The following SVOP variants were observed in gnomAD, a reference collection of about 807,000 sequenced individuals.
The protein encoded by SVOP is SV2 related protein.
Under a neutral mutation model 69.1 loss-of-function variants are expected in SVOP, and 17 were observed. The observed-to-expected ratio is 0.25, with a 90% CI of 0.17 to 0.37. The LOEUF is 0.37. Among genes scored for constraint, SVOP ranks in the 10% least tolerant of loss-of-function variants. SVOP has a pLI of 1.00. For synonymous variants in SVOP, 238 were observed against 238.6 expected (o/e 1.00, Z 0.02); for missense variants, 435 against 597.5 (o/e 0.73, Z 2.84).
chr12:108,982,617 C>G (rs957234517), intron 2 of SVOP, among the ~76,000 whole-genome samples: 1 of 149,902 alleles, frequency 6.7e-6, no homozygotes, highest in Admixed American at 6.6e-5. Flanking sequence ...ATCCTTATCA[C>G]CATCTTCATC....
intron 6 of SVOP, 103 bp downstream of exon 6, chr12:108,960,820 C>A (rs546608538): frequency 1.3e-5 from 18 of 1,392,994 alleles, no homozygotes; most frequent in African/African-American, 4.3e-5. Flanking sequence ...GCTATCTCTG[C>A]ACCCCTGCTG....
chr12:108,997,101 C>A (rs188643613), intron 1 of SVOP, among the ~76,000 whole-genome samples: 1 of 151,708 alleles, frequency 6.6e-6, no homozygotes, highest in Admixed American at 6.6e-5. Flanking sequence ...TCAGTGGGTG[C>A]GTGCACCGTG....
At chr12:108,948,119 G>A (rs1462148984) in intron 6 of SVOP, among the ~76,000 whole-genome samples, 1 of 151,958 alleles carries the variant, frequency 6.6e-6, no homozygotes, top group South Asian at 2.1e-4. Context: ...CTGGCATTGG[G>A]GGAGGGGTGG....
intron 1 of SVOP, among the ~76,000 whole-genome samples, chr12:109,016,020 C>T (rs1173105638): frequency 2.0e-5 from 3 of 152,286 alleles, no homozygotes; most frequent in East Asian, 1.9e-4. Flanking sequence ...GGCTTCCAGG[C>T]GCTCCTACTA....
At chr12:108,938,097 A>C (rs2039867288) in intron 9 of SVOP, among the ~76,000 whole-genome samples, 1 of 152,348 alleles carries the variant, frequency 6.6e-6, no homozygotes, top group East Asian at 1.9e-4. Flanking sequence ...TGTCAGACCA[A>C]ACACCTCCTT....
In SVOP at chr12:108,907,917, A is replaced by T. The variant is rs2039658652; in HGVS notation, c.*4618T>A. 1.3e-5 allele frequency: 2 copies of T among 152,276 alleles called. No individual in the cohort carries two copies. 9.4% of individuals were successfully genotyped at this position (152,276 alleles called of 1,614,324 possible). On this transcript the variant is annotated 3_prime_UTR_variant, in exon 16 of 16. Coordinates refer to ENST00000610966, the MANE Select transcript of SVOP (RefSeq NM_018711.5). ...TTATGCACATGTCACTGCAGATTCC[A>T]GGCATACCAGCAATTGTCTGCACCA...
intron 6 of SVOP, among the ~76,000 whole-genome samples, chr12:108,951,561 A>G (rs1321478058): frequency 2.6e-5 from 4 of 152,198 alleles, no homozygotes; most frequent in Admixed American, 2.0e-4. Context: ...GAGAAAGTGT[A>G]ATTAATCTGG....
Position 108,912,618 on chromosome 12 carries a change from G to T in SVOP, c.1564C>A (p.His522Asn), listed in dbSNP as rs1253683114. ...TKGRGLQESSHREWGQEMVGR... is the reference protein window; with the variant it reads ...TKGRGLQESSNREWGQEMVGR... ...ACCATCTCCTGGCCCCACTCCCGGT[G>T]GCTGGACTCCTGCAGTCCTCGGCCT... is the stretch of plus-strand genomic sequence containing the variant. The change falls in exon 16 of 16, where the codon CAC becomes AAC. Residue 522 changes from histidine to asparagine, a missense_variant. By Grantham distance (68) the His-to-Asn change is moderately conservative. Coordinates refer to ENST00000610966, the MANE Select transcript of SVOP (RefSeq NM_018711.5). 6.8e-6 allele frequency: 11 copies of T among 1,613,790 alleles called. No homozygotes were observed. The highest frequency in any genetic ancestry group is 9.3e-6 in the Non-Finnish European group (11 of 1,179,880).
intron 5 of SVOP, 61 bp downstream of exon 5, chr12:108,972,344 G>T: frequency 6.7e-7 from 1 of 1,502,104 alleles, no homozygotes; most frequent in Non-Finnish European, 9.0e-7. Context: ...TTTGCTACTT[G>T]TCCAGACCAT....
intron 1 of SVOP, among the ~76,000 whole-genome samples, chr12:108,988,539 T>C (rs2040179171): frequency 6.6e-6 from 1 of 152,190 alleles, no homozygotes; most frequent in South Asian, 2.1e-4. Flanking sequence ...TCAAATCATA[T>C]GATTCGAGAA....
At chr12:108,934,071 A>G in intron 11 of SVOP, 124 bp downstream of exon 11, 1 of 769,924 alleles carries the variant, frequency 1.3e-6, no homozygotes, top group Non-Finnish European at 2.1e-6. Flanking sequence ...GTGTCTTGGA[A>G]ACCACAGAAG....
At chr12:108,964,790 CTCCT>C (rs1463764001) in intron 5 of SVOP, among the ~76,000 whole-genome samples, 1 of 152,110 alleles carries the variant, frequency 6.6e-6, no homozygotes. Context: ...AGATTGATAG[CTCCT>C]TCCTTCCTTC....
intron 11 of SVOP, among the ~76,000 whole-genome samples, chr12:108,929,866 C>G (rs992671795): frequency 3.3e-5 from 5 of 152,190 alleles, no homozygotes; most frequent in African/African-American, 1.2e-4. Flanking sequence ...AGACCAGTAC[C>G]TGGCGTGTAG....
At chr12:109,018,756 G>C (rs369467700) in intron 1 of SVOP, among the ~76,000 whole-genome samples, 79 of 152,196 alleles carry the variant, frequency 5.2e-4, no homozygotes, top group African/African-American at 1.9e-3. Flanking sequence ...TTTTGAGGGA[G>C]TCCAGTACAG....
rs2039675638 is a variant in SVOP, at chr12:108,910,525, GT to G, written c.*2009del. 1.3e-5 allele frequency: 2 copies of G among 152,230 alleles called. No homozygotes were observed. The allele number at this position is 152,230 out of a possible 1,614,324, so 9.4% of individuals were successfully genotyped here. The stretch of plus-strand genomic sequence containing the variant: ...ATAATTAGAGCTACAGCCACACGTG[GT>G]TCAAGGAAATGTGGTTGTCAGAGAG... On this transcript the variant is annotated 3_prime_UTR_variant, in exon 16 of 16. Coordinates refer to ENST00000610966, the MANE Select transcript of SVOP (RefSeq NM_018711.5).
intron 1 of SVOP, among the ~76,000 whole-genome samples, chr12:109,007,034 G>T (rs946703178): frequency 3.9e-5 from 6 of 152,090 alleles, no homozygotes; most frequent in African/African-American, 1.4e-4. Flanking sequence ...GAGGGCTGAG[G>T]CTTTTGTTAA....
chr12:108,942,610 G>A (rs1566053327), intron 7 of SVOP, among the ~76,000 whole-genome samples: 3 of 152,344 alleles, frequency 2.0e-5, no homozygotes, highest in African/African-American at 7.2e-5. Flanking sequence ...AGTCGTGGCT[G>A]GCTGCATCTG....
chr12:108,915,743 T>C, intron 15 of SVOP, 40 bp downstream of exon 15: 1 of 1,556,796 alleles, frequency 6.4e-7, no homozygotes, highest in Non-Finnish European at 8.7e-7. Context: ...CATGGGGTTT[T>C]GTCACCCCCC....
intron 4 of SVOP, among the ~76,000 whole-genome samples, chr12:108,972,968 T>C (rs2040087557): frequency 6.6e-6 from 1 of 152,188 alleles, no homozygotes; most frequent in South Asian, 2.1e-4. Context: ...TGTTAATCCT[T>C]GGAGTAACAG....
Sources: allele counts gnomAD v4.1 joint callset (sites outside exome capture counted in the v4.1 genomes callset), GRCh38; gene constraint gnomAD v4.1.1; transcripts MANE v1.5; gene names NCBI Gene and HGNC (gene_info 2026-07-23, HGNC 2026-07-21).